OPN4: variants seen among roughly 807,000 people sequenced by gnomAD.
OPN4 encodes the protein opsin 4.
A neutral mutation model predicts 49.5 loss-of-function variants in OPN4; 43 were observed. The ratio of observed to expected loss-of-function variants is 0.87; its 90% CI spans 0.68 to 1.12. The LOEUF (loss-of-function observed/expected upper bound fraction) is 1.12, where lower values mean the gene tolerates loss of function less well. Ranked by LOEUF, OPN4 falls within the 50% of genes most tolerant of loss-of-function variation. The pLI is 0.00. For synonymous variants in OPN4, 263 were observed against 258.0 expected (o/e 1.02, Z -0.19); for missense variants, 657 against 643.9 (o/e 1.02, Z -0.22).
chr10:86,658,353 G>A, intron 3 of OPN4, 131 bp from the exon 4 acceptor site: 1 of 1,261,470 alleles, frequency 7.9e-7, no homozygotes, highest in Non-Finnish European at 1.1e-6. Flanking sequence ...GCCAGCCTTG[G>A]CCAGATGTGG....
intron 8 of OPN4, 68 bp from the exon 9 acceptor site, chr10:86,663,591 G>C: frequency 7.3e-7 from 1 of 1,378,658 alleles, no homozygotes; most frequent in Non-Finnish European, 9.5e-7. Context: ...GGGCCTGGTG[G>C]GGTAAGGGCA....
chr10:86,661,261 C>T lies in OPN4; in HGVS notation c.966-20C>T, dbSNP rs1254096320. ...TCAGGAGGGCCAGCTAGCTTGGGGA[C>T]CACACCTTCTCTGTCCTAGGTACGC... On this transcript the variant is annotated intron_variant, in intron 6 of 9. Coordinates refer to ENST00000241891, the MANE Select transcript of OPN4 (RefSeq NM_033282.4). 1 of 1,603,292 alleles carries T rather than the reference C, an allele frequency of 6.2e-7. No homozygotes were observed. Among genetic ancestry groups the T allele is most frequent in the Admixed American group, 1.7e-5 (1 of 59,994 alleles).
intron 9 of OPN4, among the ~76,000 whole-genome samples, chr10:86,664,755 C>A (rs570544689): frequency 6.6e-6 from 1 of 152,152 alleles, no homozygotes; most frequent in African/African-American, 2.4e-5. Flanking sequence ...CCCCCGGGGG[C>A]CCCGCACCCT....
rs371493155 is a variant in OPN4 at position 86,660,009 on chromosome 10, C to G, written c.915C>G (p.Phe305Leu). 3.7e-6 allele frequency: 6 copies of G among 1,614,210 alleles called. No individual in the cohort carries two copies. The highest frequency in any genetic ancestry group is 5.1e-6 in the Non-Finnish European group (6 of 1,180,020). ...TCATGCTGCTGGTCATCCTCCTCTT[C>G]GTGCTCTCCTGGGCTCCCTATTCCG... ...AKIMLLVILL[F>L]VLSWAPYSAV... The change falls in exon 6 of 10, where the codon TTC becomes TTG. Residue 305 changes from phenylalanine to leucine, a missense_variant. Phe to Leu is a conservative substitution (Grantham distance 22). Coordinates refer to ENST00000241891, the MANE Select transcript of OPN4 (RefSeq NM_033282.4).
In OPN4 at chr10:86,663,788, G is replaced by A. The variant is rs571654939; in HGVS notation, c.1384G>A (p.Glu462Lys). 1.8e-5 allele frequency: 28 copies of A among 1,553,938 alleles called. No homozygotes were observed. In the Admixed American group the frequency reaches 4.7e-4, roughly 26 times the overall value. The change falls in exon 9 of 10, where the codon GAG becomes AAG. Residue 462 changes from glutamate to lysine, a missense_variant. By Grantham distance (56) the Glu-to-Lys change is moderately conservative. Transcript: ENST00000241891. Reference protein sequence around the residue: ...APPRPQGHEAETPGKTKGLIP... With the variant: ...APPRPQGHEAKTPGKTKGLIP... ...CCCCAGACCCCAGGGACACGAAGCA[G>A]AGACTCCAGGGAAGGTGACTGGGCC... is the stretch of plus-strand genomic sequence containing the variant.
At chr10:86,659,552 A>G in intron 5 of OPN4, 84 bp downstream of exon 5, 1 of 1,509,968 alleles carries the variant, frequency 6.6e-7, no homozygotes, top group Non-Finnish European at 8.9e-7. Context: ...TCACACCTGC[A>G]CCAGCCTACC....
rs1018047261 is a variant in OPN4, at chr10:86,656,044, G to A, written c.145-111G>A. 3 of 1,419,458 alleles carry A rather than the reference G, an allele frequency of 2.1e-6. No homozygotes were observed. The African/African-American group carries it at 4.2e-5, about 20-fold the overall frequency. 87.9% of individuals were successfully genotyped at this position (1,419,458 alleles called of 1,614,324 possible). A position where few individuals can be genotyped will look rare whatever the true frequency, so the allele number is the denominator to read the frequency against. ...TGTGTGCAACTGGCTTTGCCACTCTGAGCCTCAGTTTTCCCACCTGCCCTG... is the reference window on the plus strand; with the variant it reads ...TGTGTGCAACTGGCTTTGCCACTCTAAGCCTCAGTTTTCCCACCTGCCCTG... On this transcript the variant is annotated intron_variant, in intron 1 of 9. Transcript: ENST00000241891.
rs1324938648 is a variant in OPN4 at position 86,666,048 on chromosome 10, G to A, written c.*297G>A. The A allele has an allele frequency of 2.2e-6, 1 of 461,144 alleles. No individual in the cohort carries two copies. The highest frequency in any genetic ancestry group is 3.9e-6 in the Non-Finnish European group (1 of 258,132). 28.6% of individuals were successfully genotyped at this position (461,144 alleles called of 1,614,324 possible). ...AGTTGTCTGCCTCTCCTCAAATGCT[G>A]TGTGCTGCAATTGTCCAGGCGATGA... On this transcript the variant is annotated 3_prime_UTR_variant, in exon 10 of 10. Transcript: ENST00000241891.
chr10:86,661,427 A>G, intron 7 of OPN4, 39 bp downstream of exon 7: 1 of 1,523,022 alleles, frequency 6.6e-7, no homozygotes, highest in South Asian at 1.2e-5. Flanking sequence ...TTGGCCTCCA[A>G]GGGCCTGGCC....
rs1263230818 is a variant in OPN4, at chr10:86,656,145, C to T, written c.145-10C>T. 1 of 1,614,164 alleles carries T rather than the reference C, an allele frequency of 6.2e-7. No individual in the cohort carries two copies. The highest frequency in any genetic ancestry group is 1.1e-5 in the South Asian group (1 of 91,086). ...TAACATGATTCCCTCGTTTCTCTGT[C>T]TCTCCGCAGGCACCTGGGACTTGGG... On this transcript the variant is annotated splice_polypyrimidine_tract_variant and intron_variant, in intron 1 of 9. Transcript: ENST00000241891.
In OPN4 at chr10:86,666,395, C is replaced by T. The variant is rs1163543940; in HGVS notation, c.*644C>T. On this transcript the variant is annotated 3_prime_UTR_variant, in exon 10 of 10. Transcript: ENST00000241891. ...ATTTCATGTAGTGGTCTAAGCTCCTCCCAGGGCTGTGTGGATCTGACAGGG... is the reference window on the plus strand; with the variant it reads ...ATTTCATGTAGTGGTCTAAGCTCCTTCCAGGGCTGTGTGGATCTGACAGGG... The T allele has an allele frequency of 4.5e-6, 1 of 222,038 alleles. No individual in the cohort carries two copies. The highest frequency in any genetic ancestry group is 9.2e-6 in the Non-Finnish European group (1 of 109,064). 13.8% of individuals were successfully genotyped at this position (222,038 alleles called of 1,614,324 possible).
chr10:86,659,897 C>T lies in OPN4; in HGVS notation c.803C>T (p.Ala268Val). 6.2e-7 allele frequency: 1 copy of T among 1,614,172 alleles called. No individual in the cohort carries two copies. The highest frequency in any genetic ancestry group is 8.5e-7 in the Non-Finnish European group (1 of 1,180,020). Residue 268 changes from alanine (A) to valine (V), a missense_variant and splice_region_variant, in exon 6 of 10, where the codon GCT becomes GTT. Physicochemically the swap from Ala to Val is moderately conservative, Grantham distance 64 (BLOSUM62 0). Coordinates refer to ENST00000241891, the MANE Select transcript of OPN4 (RefSeq NM_033282.4). ...CCTGGACGATGCGTCCTTCCTAGGG[C>T]TCTCCAGACCTTCGGGGCCTGCAAG... ...IFRAIRETGR[A>V]LQTFGACKGN...
Position 86,659,485 on chromosome 10 carries a change from GA to G in OPN4, c.800+18del. ...GACAGGACGGTAAGAGCCGAGCATG[GA>G]GGGGGGCTACAGGAGGGGGACCGGC... is the stretch of plus-strand genomic sequence containing the variant. On this transcript the variant is annotated intron_variant, in intron 5 of 9. Transcript: ENST00000241891. 1 of 1,612,292 alleles carries G rather than the reference GA, an allele frequency of 6.2e-7. No individual in the cohort carries two copies. The highest frequency in any genetic ancestry group is 8.5e-7 in the Non-Finnish European group (1 of 1,179,388).
At position 86,665,833 on chromosome 10, in the gene OPN4, C is replaced by A; in HGVS notation, c.*82C>A. On this transcript the variant is annotated 3_prime_UTR_variant, in exon 10 of 10. Coordinates refer to ENST00000241891, the MANE Select transcript of OPN4 (RefSeq NM_033282.4). ...TCATATACACAGACCCAGGATTATGCTGTGAGCCTGCAGGCTTTGGAAGTG... is the reference window on the plus strand; with the variant it reads ...TCATATACACAGACCCAGGATTATGATGTGAGCCTGCAGGCTTTGGAAGTG... 2.6e-6 allele frequency: 3 copies of A among 1,135,752 alleles called. No homozygotes were observed. The highest frequency in any genetic ancestry group is 3.9e-6 in the Non-Finnish European group (3 of 762,130). The allele number at this position is 1,135,752 out of a possible 1,614,324, so 70.4% of individuals were successfully genotyped here.
chr10:86,655,262 C>T (rs1589584295), intron 1 of OPN4, among the ~76,000 whole-genome samples: 1 of 152,290 alleles, frequency 6.6e-6, no homozygotes, highest in Middle Eastern at 3.4e-3. Flanking sequence ...GAGGAGGGCA[C>T]ACCCTGGGCC....
chr10:86,658,618 G>A lies in OPN4; in HGVS notation c.559G>A (p.Ala187Thr). Residue 187 changes from alanine to threonine, a missense_variant, in exon 4 of 10, where the codon GCG becomes ACG. Coordinates refer to ENST00000241891, the MANE Select transcript of OPN4 (RefSeq NM_033282.4). ...CTTTGGTGTGGCGTCCAAGAGGCGT[G>A]CGGCATTTGTCCTGCTGGGCGTTTG... is the stretch of plus-strand genomic sequence containing the variant. ...ATFGVASKRR[A>T]AFVLLGVWLY... The A allele has an allele frequency of 6.2e-7, 1 of 1,614,146 alleles. No homozygotes were observed. Among genetic ancestry groups the A allele is most frequent in the Admixed American group, 1.7e-5 (1 of 60,036 alleles).
In OPN4 at chr10:86,656,160, TG is replaced by T; in HGVS notation, c.153del (p.Thr52LeufsTer25). ...GTTTCTCTGTCTCTCCGCAGGCACC[TG>T]GGACTTGGGCTGCTGCCTGGGTCCC... is the stretch of plus-strand genomic sequence containing the variant. ...RLPSISPTAP[G>X]TWAAAWVPLP... On this transcript the variant is annotated frameshift_variant, in exon 2 of 10. Transcript: ENST00000241891. LOFTEE classifies it high-confidence loss of function. 6.2e-7 allele frequency: 1 copy of T among 1,614,198 alleles called. No homozygotes were observed. Among genetic ancestry groups the T allele is most frequent in the South Asian group, 1.1e-5 (1 of 91,086 alleles).
intron 2 of OPN4, among the ~76,000 whole-genome samples, chr10:86,656,577 C>G (rs1843870328): frequency 6.6e-6 from 1 of 152,118 alleles, no homozygotes; most frequent in Non-Finnish European, 1.5e-5. Flanking sequence ...GTATGTGGGT[C>G]TCTGACCATT....
At chr10:86,658,347 G>A in intron 3 of OPN4, 137 bp from the exon 4 acceptor site, 1 of 1,252,944 alleles carries the variant, frequency 8.0e-7, no homozygotes, top group Non-Finnish European at 1.1e-6. Flanking sequence ...GCCTCTGCCA[G>A]CCTTGGCCAG....
Sources: gnomAD v4.1 joint callset for allele counts (sites outside exome capture counted in the v4.1 genomes callset) on GRCh38, gnomAD v4.1.1 for gene constraint, MANE v1.5 for transcripts, NCBI Gene and HGNC (gene_info 2026-07-23, HGNC 2026-07-21) for gene names.